The following IQCH variants were observed in gnomAD, a reference collection of about 807,000 sequenced individuals.
The protein encoded by IQCH is IQ domain-containing protein H.
Under a neutral mutation model 117.0 loss-of-function variants are expected in IQCH, and 98 were observed. That is an observed-to-expected ratio of 0.84 (90% CI 0.71 to 0.99). IQCH has a LOEUF of 0.99. IQCH is among the 50% of genes least tolerant of loss of function. The probability of loss-of-function intolerance (pLI) is 0.00; values close to 1 mark genes in which losing one functional copy is unlikely to be tolerated. For synonymous variants in IQCH, 412 were observed against 448.2 expected (o/e 0.92, Z 1.02); for missense variants, 1,102 against 1,243.8 (o/e 0.89, Z 1.72).
At chr15:67,350,280 C>G (rs4261475) in intron 6 of IQCH, among the ~76,000 whole-genome samples, 2,238 of 152,194 alleles carry the variant, frequency 0.015, 54 homozygotes, top group African/African-American at 0.047. Flanking sequence ...AGGCTACACA[C>G]CATATGATTC....
chr15:67,303,877 G>A (rs8027755), intron 4 of IQCH, among the ~76,000 whole-genome samples: 68,816 of 151,952 alleles, frequency 0.45, 16,054 homozygotes, highest in Non-Finnish European at 0.52. Context: ...AATTTGTTGT[G>A]GTAAATTTAC....
At chr15:67,339,617 G>A (rs987233261) in intron 5 of IQCH, among the ~76,000 whole-genome samples, 2 of 152,072 alleles carry the variant, frequency 1.3e-5, no homozygotes, top group African/African-American at 4.8e-5. Flanking sequence ...GATATTCACT[G>A]GAGACTTCAG....
At position 67,465,158 on chromosome 15, in the gene IQCH, G is replaced by A; in HGVS notation, c.2537G>A (p.Ser846Asn). 6.2e-7 allele frequency: 1 copy of A among 1,614,172 alleles called. No homozygotes were observed. The highest frequency in any genetic ancestry group is 1.6e-4 in the Middle Eastern group (1 of 6,062). ...GCAACCGGCCTTAACCTCGCATATA[G>A]TGACCAGCTGGCCCTGACTCAACTC... Reference protein sequence around the residue: ...VWATGLNLAYSDQLALTQLTL... With the variant: ...VWATGLNLAYNDQLALTQLTL... The change falls in exon 17 of 21, where the codon AGT (serine) becomes AAT (asparagine). Residue 846 changes from serine (S) to asparagine (N), a missense_variant. Physicochemically the swap from Ser to Asn is conservative, Grantham distance 46 (BLOSUM62 1). Coordinates refer to ENST00000335894, the MANE Select transcript of IQCH (RefSeq NM_001031715.3). The surrounding 1 kb of genome is among the most constrained non-coding windows in gnomAD (Gnocchi z 5.9).
chr15:67,414,828 G>A (rs1166761356), intron 14 of IQCH, among the ~76,000 whole-genome samples: 1 of 152,038 alleles, frequency 6.6e-6, no homozygotes, highest in East Asian at 1.9e-4. Context: ...GTGTATAACT[G>A]AGTAGATGAT....
Position 67,456,688 on chromosome 15 carries a change from T to G in IQCH, c.2506-8439T>G, listed in dbSNP as rs1317307160. On this transcript the variant is annotated intron_variant, in intron 16 of 20. Coordinates refer to ENST00000335894, the MANE Select transcript of IQCH (RefSeq NM_001031715.3). This position sits in a 1 kb window ranked among gnomAD's most constrained non-coding sequence, Gnocchi z 5.1. ...TATTTGGTTGATATTTTTAAAACAT[T>G]GTTATTTTGCTGTTTTCTTTTCATA... Among the ~76,000 whole-genome samples, 3 of 152,216 alleles carry G rather than the reference T, an allele frequency of 2.0e-5. No individual in the cohort carries two copies. The highest frequency in any genetic ancestry group is 4.4e-5 in the Non-Finnish European group (3 of 68,040).
rs528442832 is a variant in IQCH at position 67,299,060 on chromosome 15, C to T, written c.387+19548C>T. ...ATAAAGAAAATGTGGCACTTACACA[C>T]AATGGAATATATTCAGCCAAAAAAA... is the stretch of plus-strand genomic sequence containing the variant. On this transcript the variant is annotated intron_variant, in intron 4 of 20. Transcript: ENST00000335894. Among the ~76,000 whole-genome samples, 14 of 137,358 alleles carry T rather than the reference C, an allele frequency of 1.0e-4. No individual in the cohort carries two copies. In the South Asian group the frequency reaches 3.3e-3, roughly 32 times the overall value. The allele number at this position is 137,358 out of a possible 152,430, so 90.1% of individuals were successfully genotyped here. A position where few individuals can be genotyped will look rare whatever the true frequency, so the allele number is the denominator to read the frequency against.
At chr15:67,382,388 G>T (rs1052366818) in intron 10 of IQCH, among the ~76,000 whole-genome samples, 1 of 152,152 alleles carries the variant, frequency 6.6e-6, no homozygotes, top group Non-Finnish European at 1.5e-5. Flanking sequence ...ATAATCTCTT[G>T]ATTTTAAGGT....
chr15:67,372,043 C>G, intron 8 of IQCH, 68 bp from the exon 9 acceptor site: 1 of 1,325,898 alleles, frequency 7.5e-7, no homozygotes, highest in Non-Finnish European at 1.0e-6. Flanking sequence ...TAGTGTGTGT[C>G]TTGACCACTC....
At chr15:67,324,299 T>C (rs1444742101) in intron 4 of IQCH, among the ~76,000 whole-genome samples, 1 of 141,612 alleles carries the variant, frequency 7.1e-6, no homozygotes, top group African/African-American at 2.5e-5. Flanking sequence ...GCCTGTCTTT[T>C]GTCCAAAAAA....
intron 18 of IQCH, among the ~76,000 whole-genome samples, chr15:67,484,286 G>T (rs1016251886): frequency 1.3e-4 from 19 of 151,976 alleles, no homozygotes; most frequent in African/African-American, 4.6e-4. Flanking sequence ...CACACCTGTA[G>T]TCTTGACTAC....
Position 67,413,097 on chromosome 15 carries a change from G to GTGTGTGTC in IQCH, c.2098-3831_2098-3830insGTGTCTGT, listed in dbSNP as rs1204761068. 1.3e-5 allele frequency among the ~76,000 whole-genome samples: 2 copies of GTGTGTGTC among 151,522 alleles called. No homozygotes were observed. The highest frequency in any genetic ancestry group is 1.3e-4 in the Admixed American group (2 of 15,230). On this transcript the variant is annotated intron_variant, in intron 14 of 20. Coordinates refer to ENST00000335894, the MANE Select transcript of IQCH (RefSeq NM_001031715.3). The surrounding 1 kb of genome is among the most constrained non-coding windows in gnomAD (Gnocchi z 5.0). ...TGTGTGTGTGTGTGTGTGTGTGTGT[G>GTGTGTGTC]TGTCTGTGTGTACATAAGTTTGTTT...
chr15:67,465,279 G>T lies in IQCH; in HGVS notation c.2658G>T (p.Met886Ile). ...VPKERKKTKCMSALSMPMLAT... is the reference protein window; with the variant it reads ...VPKERKKTKCISALSMPMLAT... The stretch of plus-strand genomic sequence containing the variant: ...AGGAAAGGAAGAAAACCAAATGCAT[G>T]AGTGCGCTGTCAATGCCGGTAAGCA... The change falls in exon 17 of 21, where the codon ATG (methionine) becomes ATT (isoleucine). Residue 886 changes from methionine (M) to isoleucine (I), a missense_variant. By Grantham distance (10) the Met-to-Ile change is conservative. This residue lies in a region of IQCH where 650 missense variants were observed against 794.3 expected (regional missense o/e 0.82). Transcript: ENST00000335894. This position sits in a 1 kb window ranked among gnomAD's most constrained non-coding sequence, Gnocchi z 5.9. 1 of 1,613,830 alleles carries T rather than the reference G, an allele frequency of 6.2e-7. No individual in the cohort carries two copies.
chr15:67,415,237 C>G (rs946968100), intron 14 of IQCH, among the ~76,000 whole-genome samples: 2 of 151,930 alleles, frequency 1.3e-5, no homozygotes, highest in African/African-American at 4.8e-5. Flanking sequence ...ATGTGCACAG[C>G]GTATAGGATA....
At chr15:67,398,590 A>C (rs1971541052) in intron 13 of IQCH, among the ~76,000 whole-genome samples, 1 of 152,194 alleles carries the variant, frequency 6.6e-6, no homozygotes, top group Non-Finnish European at 1.5e-5. Context: ...ACTGCCATGT[A>C]GTATAGTATC....
rs2082036021 is a variant in IQCH, at chr15:67,432,245, T to C, written c.2505+10668T>C. 6.6e-6 allele frequency among the ~76,000 whole-genome samples: 1 copy of C among 151,940 alleles called. No homozygotes were observed. Among genetic ancestry groups the C allele is most frequent in the Non-Finnish European group, 1.5e-5 (1 of 67,994 alleles). On this transcript the variant is annotated intron_variant, in intron 16 of 20. Coordinates refer to ENST00000335894, the MANE Select transcript of IQCH (RefSeq NM_001031715.3). The surrounding 1 kb of genome is among the most constrained non-coding windows in gnomAD (Gnocchi z 5.0). ...CATAAAGTTAGCTACAGAAAGGAAA[T>C]AAGACTTGTCACAAAGTACAGATTG...
chr15:67,483,718 A>C (rs2083400093), intron 18 of IQCH, among the ~76,000 whole-genome samples: 1 of 152,140 alleles, frequency 6.6e-6, no homozygotes, highest in Non-Finnish European at 1.5e-5. Flanking sequence ...CTGGAGTTCA[A>C]AACTGTCAAA....
intron 6 of IQCH, among the ~76,000 whole-genome samples, chr15:67,349,570 T>G (rs1969556529): frequency 7.4e-6 from 1 of 135,452 alleles, no homozygotes; most frequent in Non-Finnish European, 1.5e-5. Flanking sequence ...ATTGCGCCAT[T>G]GCTCCAGCCT....
At chr15:67,363,525 C>G (rs574062217) in intron 8 of IQCH, among the ~76,000 whole-genome samples, 3 of 152,016 alleles carry the variant, frequency 2.0e-5, no homozygotes, top group Admixed American at 2.0e-4. Context: ...GGATTACAGG[C>G]GTGAGCCACC....
intron 4 of IQCH, among the ~76,000 whole-genome samples, chr15:67,312,761 T>A (rs1375345999): frequency 6.6e-6 from 1 of 152,140 alleles, no homozygotes; most frequent in Non-Finnish European, 1.5e-5. Flanking sequence ...GCAAGTAGTG[T>A]GATAGCATTA....
Sources: allele counts gnomAD v4.1 joint callset (sites outside exome capture counted in the v4.1 genomes callset), GRCh38; gene constraint gnomAD v4.1.1; regional missense constraint gnomAD v4.1.1; non-coding constraint Gnocchi (gnomAD v3.1); transcripts MANE v1.5; gene names NCBI Gene and HGNC (gene_info 2026-07-23, HGNC 2026-07-21).